Variants in PAPPA2 observed in about 807,000 individuals in gnomAD.
The protein encoded by PAPPA2 is pappalysin-2.
A neutral mutation model predicts 176.4 loss-of-function variants in PAPPA2; 86 were observed. The observed-to-expected ratio is 0.49, with a 90% CI of 0.41 to 0.58. The LOEUF (loss-of-function observed/expected upper bound fraction) is 0.58. Ranked by LOEUF, PAPPA2 falls within the 20% of genes least tolerant of loss-of-function variation. PAPPA2 has a pLI of 0.00. For missense variants in PAPPA2, 2,073 were observed against 2,256.9 expected (o/e 0.92, Z 1.65); for synonymous variants, 809 against 852.2 (o/e 0.95, Z 0.88).
intron 21 of PAPPA2, among the ~76,000 whole-genome samples, chr1:176,810,636 G>A (rs573737574): frequency 1.3e-5 from 2 of 152,280 alleles, no homozygotes; most frequent in East Asian, 3.9e-4. Flanking sequence ...CAGCAGACCA[G>A]ACTGGGGACC....
At chr1:176,732,438 A>G (rs1035472683) in intron 12 of PAPPA2, among the ~76,000 whole-genome samples, 2 of 152,196 alleles carry the variant, frequency 1.3e-5, no homozygotes, top group African/African-American at 4.8e-5. Flanking sequence ...ATGCATTTGG[A>G]TTGGATGATT....
intron 6 of PAPPA2, among the ~76,000 whole-genome samples, chr1:176,693,603 G>A (rs1660224963): frequency 6.6e-6 from 1 of 152,200 alleles, no homozygotes; most frequent in East Asian, 1.9e-4. Context: ...GGAAGCTGGT[G>A]AATCCTCTTT....
intron 21 of PAPPA2, among the ~76,000 whole-genome samples, chr1:176,822,023 T>C (rs1433673326): frequency 6.6e-6 from 1 of 152,208 alleles, no homozygotes; most frequent in Non-Finnish European, 1.5e-5. Context: ...TGGAGCCTTA[T>C]GTACTAAAAT....
intron 1 of PAPPA2, among the ~76,000 whole-genome samples, chr1:176,511,983 A>G (rs1438892621): frequency 6.6e-6 from 1 of 152,162 alleles, no homozygotes; most frequent in Non-Finnish European, 1.5e-5. Context: ...ATAGATTAAA[A>G]TACTCAGAAT....
intron 21 of PAPPA2, among the ~76,000 whole-genome samples, chr1:176,824,369 T>G (rs1666776672): frequency 6.6e-6 from 1 of 152,218 alleles, no homozygotes; most frequent in African/African-American, 2.4e-5. Context: ...TCAAATTTAA[T>G]AGTAAACATC....
intron 3 of PAPPA2, among the ~76,000 whole-genome samples, chr1:176,649,369 TA>T (rs975072644): frequency 2.0e-5 from 3 of 150,968 alleles, no homozygotes; most frequent in Admixed American, 6.6e-5. Flanking sequence ...TTTTATCTTT[TA>T]AAAAAAACTT....
chr1:176,470,872 T>A (rs1351186763), intron 1 of PAPPA2, among the ~76,000 whole-genome samples: 1 of 145,534 alleles, frequency 6.9e-6, no homozygotes, highest in South Asian at 2.2e-4. Flanking sequence ...TCAGTGGATT[T>A]TTTTTTTTAA....
intron 14 of PAPPA2, among the ~76,000 whole-genome samples, chr1:176,747,459 A>AG (rs1662962823): frequency 6.6e-6 from 1 of 152,190 alleles, no homozygotes; most frequent in Admixed American, 6.5e-5. Context: ...CAATAGAAAA[A>AG]GAGAAGTTTT....
At chr1:176,789,785 T>C in intron 17 of PAPPA2, 24 bp from the exon 18 acceptor site, 1 of 1,597,638 alleles carries the variant, frequency 6.3e-7, no homozygotes, top group African/African-American at 1.3e-5. Flanking sequence ...TCTGATGAGC[T>C]ATTTTTGTTT....
At position 176,557,182 on chromosome 1, in the gene PAPPA2, T is replaced by A. The variant is rs1259758815; in HGVS notation, c.860T>A (p.Phe287Tyr). The A allele has an allele frequency of 1.2e-6, 2 of 1,612,810 alleles. No individual in the cohort carries two copies. ...EVLAEIPREA[F>Y]TVEAWVKPEG... ...CTGGCTGAGATTCCCCGGGAGGCGT[T>A]CACAGTGGAAGCCTGGGTTAAACCG... The change falls in exon 2 of 23, where the codon TTC becomes TAC. Residue 287 changes from phenylalanine to tyrosine, a missense_variant. Coordinates refer to ENST00000367662, the MANE Select transcript of PAPPA2 (RefSeq NM_020318.3).
intron 4 of PAPPA2, among the ~76,000 whole-genome samples, chr1:176,677,647 T>C (rs1156642120): frequency 6.6e-6 from 1 of 152,148 alleles, no homozygotes; most frequent in African/African-American, 2.4e-5. Context: ...TTGGATACCA[T>C]ACTCATTGTC....
chr1:176,676,771 G>A (rs1659321070), intron 4 of PAPPA2, among the ~76,000 whole-genome samples: 1 of 151,840 alleles, frequency 6.6e-6, no homozygotes, highest in Admixed American at 6.6e-5. Flanking sequence ...TGTAAAAACT[G>A]GTGAAATCTG....
chr1:176,569,039 T>C (rs1652154971), intron 2 of PAPPA2, among the ~76,000 whole-genome samples: 1 of 152,156 alleles, frequency 6.6e-6, no homozygotes, highest in African/African-American at 2.4e-5. Flanking sequence ...GACACACACA[T>C]ACCCATGCAT....
chr1:176,798,490 A>G (rs1279946851), intron 20 of PAPPA2, among the ~76,000 whole-genome samples: 2 of 152,208 alleles, frequency 1.3e-5, no homozygotes, highest in African/African-American at 2.4e-5. Flanking sequence ...TCATACATTT[A>G]CCTTTCAAAG....
Position 176,844,992 on chromosome 1 carries a change from G to C in PAPPA2, c.*2538G>C, listed in dbSNP as rs1451080133. ...TGTGAAGAGCCTCTTAGGCTATAAGGCTTCCCAGCCATAGTCAGCTATAGC... is the reference window on the plus strand; with the variant it reads ...TGTGAAGAGCCTCTTAGGCTATAAGCCTTCCCAGCCATAGTCAGCTATAGC... On this transcript the variant is annotated 3_prime_UTR_variant, in exon 23 of 23. Coordinates refer to ENST00000367662, the MANE Select transcript of PAPPA2 (RefSeq NM_020318.3). The C allele has an allele frequency of 6.6e-6, 1 of 152,162 alleles. No individual in the cohort carries two copies. The highest frequency in any genetic ancestry group is 1.5e-5 in the Non-Finnish European group (1 of 68,024). 9.4% of individuals were successfully genotyped at this position (152,162 alleles called of 1,614,324 possible).
chr1:176,475,430 C>T (rs1652067976), intron 1 of PAPPA2, among the ~76,000 whole-genome samples: 1 of 152,110 alleles, frequency 6.6e-6, no homozygotes, highest in Admixed American at 6.5e-5. Context: ...TTACTGGCCT[C>T]AGTGCATCCT....
chr1:176,610,203 C>T (rs934767101), intron 3 of PAPPA2, among the ~76,000 whole-genome samples: 5 of 151,668 alleles, frequency 3.3e-5, no homozygotes, highest in Admixed American at 1.3e-4. Context: ...ATGGCTATGT[C>T]TCCTATTCCA....
At chr1:176,597,920 T>C (rs2102655218) in intron 3 of PAPPA2, among the ~76,000 whole-genome samples, 1 of 152,236 alleles carries the variant, frequency 6.6e-6, no homozygotes, top group South Asian at 2.1e-4. Flanking sequence ...TTTCTCTGAG[T>C]TCCTATCACA....
chr1:176,482,263 T>C (rs1480302685), intron 1 of PAPPA2, among the ~76,000 whole-genome samples: 2 of 152,226 alleles, frequency 1.3e-5, no homozygotes, highest in East Asian at 1.9e-4. Context: ...TGGCAGTCTT[T>C]AGGTGTTCTG....
Sources: gnomAD v4.1 joint callset for allele counts (sites outside exome capture counted in the v4.1 genomes callset) on GRCh38, gnomAD v4.1.1 for gene constraint, MANE v1.5 for transcripts, NCBI Gene and HGNC (gene_info 2026-07-23, HGNC 2026-07-21) for gene names.